The following ADRA1B variants were observed in gnomAD, a reference collection of about 807,000 sequenced individuals.
The protein encoded by ADRA1B is alpha-1B adrenergic receptor.
ADRA1B carries 17 observed loss-of-function variants against 17.9 expected under a neutral mutation model. The observed-to-expected ratio is 0.95, with a 90% CI of 0.65 to 1.42. The LOEUF (loss-of-function observed/expected upper bound fraction) is 1.42. Ranked by LOEUF, ADRA1B falls within the 40% of genes most tolerant of loss-of-function variation. The probability of loss-of-function intolerance (pLI) is 0.00; values close to 1 mark genes in which losing one functional copy is unlikely to be tolerated. For missense variants in ADRA1B, 681 were observed against 722.1 expected (o/e 0.94, Z 0.65); for synonymous variants, 366 against 327.6 (o/e 1.12, Z -1.27).
chr5:159,964,613 G>T (rs1755739993), intron 1 of ADRA1B, among the ~76,000 whole-genome samples: 2 of 152,182 alleles, frequency 1.3e-5, no homozygotes, highest in African/African-American at 4.8e-5. Context: ...CCCTTTGAGG[G>T]TTACTGATCC....
At chr5:159,956,167 G>A (rs1468734215) in intron 1 of ADRA1B, among the ~76,000 whole-genome samples, 1 of 152,188 alleles carries the variant, frequency 6.6e-6, no homozygotes, top group Non-Finnish European at 1.5e-5. Flanking sequence ...CTTGAGCCCA[G>A]GAGTTTGAGG....
chr5:159,897,479 C>T (rs1754051596), intron 1 of ADRA1B, among the ~76,000 whole-genome samples: 1 of 151,324 alleles, frequency 6.6e-6, no homozygotes, highest in Admixed American at 6.6e-5. Flanking sequence ...GAGTGAGACT[C>T]CATCTAAAAA....
At chr5:159,964,290 A>T (rs540458160) in intron 1 of ADRA1B, among the ~76,000 whole-genome samples, 20 of 152,300 alleles carry the variant, frequency 1.3e-4, no homozygotes, top group African/African-American at 4.6e-4. Flanking sequence ...TTTAGGGCCA[A>T]AATGTCTTCA....
chr5:159,985,649 C>T, the ADRA1B span, among the ~76,000 whole-genome samples: 1 of 152,214 alleles, frequency 6.6e-6, no homozygotes, highest in African/African-American at 2.4e-5. Flanking sequence ...ATCAGGGCTC[C>T]TTTTTCTTTT....
chr5:159,899,934 T>C (rs977054618), intron 1 of ADRA1B, among the ~76,000 whole-genome samples: 4 of 152,226 alleles, frequency 2.6e-5, no homozygotes, highest in Non-Finnish European at 5.9e-5. Context: ...GTACAGTGGA[T>C]GTAAGATGAG....
intron 1 of ADRA1B, among the ~76,000 whole-genome samples, chr5:159,890,484 G>A (rs1159972510): frequency 1.3e-5 from 2 of 152,172 alleles, no homozygotes; most frequent in African/African-American, 4.8e-5. Context: ...ACAGGGTAGG[G>A]TCCAGATAAG....
chr5:159,910,553 G>C (rs1055262553), intron 1 of ADRA1B, among the ~76,000 whole-genome samples: 3 of 152,178 alleles, frequency 2.0e-5, no homozygotes, highest in African/African-American at 4.8e-5. Context: ...TTTCTGCAAA[G>C]GTCCAGGGAG....
intron 1 of ADRA1B, among the ~76,000 whole-genome samples, chr5:159,876,354 A>AC (rs1377801411): frequency 2.6e-5 from 4 of 152,216 alleles, no homozygotes; most frequent in African/African-American, 9.6e-5. Context: ...GCCAAGCACC[A>AC]CATCCTCATG....
At chr5:159,971,808 A>G (rs1755870297) in intron 1 of ADRA1B, 71 bp from the exon 2 acceptor site, 14 of 1,253,600 alleles carry the variant, frequency 1.1e-5, no homozygotes, top group Non-Finnish European at 1.2e-5. Flanking sequence ...GGAGAAGCAT[A>G]TTGGGGCGAG....
chr5:159,975,889 G>T (rs1407871451), downstream of ADRA1B, among the ~76,000 whole-genome samples: 1 of 152,142 alleles, frequency 6.6e-6, no homozygotes, highest in Non-Finnish European at 1.5e-5. Context: ...CACCCAGACT[G>T]CTGGGTCATT....
intron 1 of ADRA1B, among the ~76,000 whole-genome samples, chr5:159,898,213 C>T (rs778151904): frequency 6.6e-6 from 1 of 152,202 alleles, no homozygotes; most frequent in Non-Finnish European, 1.5e-5. Context: ...CCAAAGGGAG[C>T]CACTGAAGCT....
At chr5:159,923,607 T>G (rs1246998361) in intron 1 of ADRA1B, among the ~76,000 whole-genome samples, 1 of 152,270 alleles carries the variant, frequency 6.6e-6, no homozygotes, top group East Asian at 1.9e-4. Flanking sequence ...GATTTTCCTC[T>G]GAATACATCA....
At chr5:159,918,904 C>T (rs531817556) in intron 1 of ADRA1B, among the ~76,000 whole-genome samples, 1 of 152,222 alleles carries the variant, frequency 6.6e-6, no homozygotes, top group Admixed American at 6.5e-5. Flanking sequence ...GGGAGTTTAT[C>T]ATGACACAGT....
intron 1 of ADRA1B, among the ~76,000 whole-genome samples, chr5:159,898,042 C>T (rs770973459): frequency 3.7e-4 from 57 of 152,224 alleles, no homozygotes; most frequent in Non-Finnish European, 7.3e-4. Flanking sequence ...CTCTCTTCCC[C>T]TCTCCTCACC....
At chr5:159,891,573 C>G (rs1160744370) in intron 1 of ADRA1B, among the ~76,000 whole-genome samples, 3 of 152,150 alleles carry the variant, frequency 2.0e-5, no homozygotes, top group Non-Finnish European at 4.4e-5. Context: ...TGTTCCCAAG[C>G]TAAGGGTCCT....
chr5:159,985,527 C>T, the ADRA1B span, among the ~76,000 whole-genome samples: 1 of 152,294 alleles, frequency 6.6e-6, no homozygotes, highest in East Asian at 1.9e-4. Context: ...TGTACCGGCT[C>T]AGAGCAGTTT....
chr5:159,977,801 A>G (rs1433826707), downstream of ADRA1B, among the ~76,000 whole-genome samples: 1 of 151,914 alleles, frequency 6.6e-6, no homozygotes, highest in Non-Finnish European at 1.5e-5. Flanking sequence ...CTTCTTTCCT[A>G]CCATCCCAGT....
rs192340391 is a variant in ADRA1B, at chr5:159,881,486, C to A, written c.-256+16280C>A. ...ACATGGCAGCTGTCCCAAAGACATA[C>A]CCCCTCACAGCTTCATGTCTGTCAG... On this transcript the variant is annotated intron_variant, in intron 1 of 2. Coordinates refer to the ADRA1B transcript ENST00000641205. Among the ~76,000 whole-genome samples the A allele has an allele frequency of 7.9e-5, 12 of 152,234 alleles. No individual in the cohort carries two copies. In the East Asian group the frequency reaches 2.3e-3, roughly 29 times the overall value.
chr5:159,900,738 G>A (rs894671251), intron 1 of ADRA1B, among the ~76,000 whole-genome samples: 2 of 152,212 alleles, frequency 1.3e-5, no homozygotes, highest in African/African-American at 4.8e-5. Flanking sequence ...CTGGCAGGTT[G>A]GGGGGTGGGC....
Sources: allele counts gnomAD v4.1 joint callset (sites outside exome capture counted in the v4.1 genomes callset), GRCh38; gene constraint gnomAD v4.1.1; transcripts MANE v1.5; gene names NCBI Gene and HGNC (gene_info 2026-07-23, HGNC 2026-07-21).